The following RUVBL1 variants were observed in gnomAD, a reference collection of about 807,000 sequenced individuals.
RUVBL1 encodes the protein RuvB like AAA ATPase 1, also known as ruvB-like 1.
Under a neutral mutation model 52.4 loss-of-function variants are expected in RUVBL1, and 4 were observed. The ratio of observed to expected loss-of-function variants is 0.08; its 90% CI spans 0.04 to 0.17. The LOEUF is 0.17. RUVBL1 is among the 10% of genes least tolerant of loss of function. RUVBL1 has a pLI of 1.00. For synonymous variants in RUVBL1, 217 were observed against 214.4 expected (o/e 1.01, Z -0.10); for missense variants, 298 against 572.8 (o/e 0.52, Z 4.90).
chr3:128,065,887 G>A (rs745381450), intron 9 of RUVBL1, among the ~76,000 whole-genome samples: 1 of 151,844 alleles, frequency 6.6e-6, no homozygotes, highest in Non-Finnish European at 1.5e-5. Context: ...GATTACAGGT[G>A]CCTGTCACCA....
chr3:128,106,467 C>CT (rs1472765314), intron 3 of RUVBL1, among the ~76,000 whole-genome samples: 5 of 151,958 alleles, frequency 3.3e-5, no homozygotes, highest in African/African-American at 1.2e-4. Context: ...ATCCCCCCCC[C>CT]CTTCACACAT....
At position 128,153,001 on chromosome 3, in the gene RUVBL1, CG is replaced by C. The variant is rs1331213883; in HGVS notation, c.-40+201del. Among the ~76,000 whole-genome samples, 66 of 48,136 alleles carry C rather than the reference CG, an allele frequency of 1.4e-3. 1 individual carries two copies. The highest frequency in any genetic ancestry group is 4.8e-3 in the African/African-American group (59 of 12,186). The allele number at this position is 48,136 out of a possible 152,430, so 31.6% of individuals were successfully genotyped here. On this transcript the variant is annotated intron_variant, in intron 1 of 9. Transcript: ENST00000464873. ...TTCCCCCCGCCCACCCCGCCCCCCC[CG>C]CCCCCCTTCGCCCCCCCATGTTCCG... is the stretch of plus-strand genomic sequence containing the variant.
At chr3:128,124,633 C>G (rs1269942597), upstream of RUVBL1, among the ~76,000 whole-genome samples, 1 of 152,184 alleles carries the variant, frequency 6.6e-6, no homozygotes, top group African/African-American at 2.4e-5. Flanking sequence ...TCAACAAACA[C>G]GAGCCAGACA....
intron 9 of RUVBL1, among the ~76,000 whole-genome samples, chr3:128,072,451 G>GGT (rs1486731860): frequency 2.0e-5 from 3 of 152,234 alleles, no homozygotes; most frequent in Non-Finnish European, 4.4e-5. Context: ...ATTTCCAAGG[G>GGT]GAGTTGGGTC....
chr3:128,076,697 C>G (rs1942335834), downstream of RUVBL1, among the ~76,000 whole-genome samples: 1 of 152,092 alleles, frequency 6.6e-6, no homozygotes, highest in Admixed American at 6.5e-5. The surrounding 1 kb of genome is among the most constrained non-coding windows in gnomAD (Gnocchi z 6.8). Flanking sequence ...GGGACCTCCA[C>G]CCACTACATA....
intron 1 of RUVBL1, among the ~76,000 whole-genome samples, chr3:128,131,523 A>C (rs536484447): frequency 6.9e-6 from 1 of 145,688 alleles, no homozygotes; most frequent in Non-Finnish European, 1.5e-5. Context: ...AAACAAACCA[A>C]CAACAACAAC....
chr3:128,074,930 GGTT>G (rs1316914479), intron 9 of RUVBL1: 2 of 151,654 alleles, frequency 1.3e-5, no homozygotes, highest in Admixed American at 6.6e-5. Flanking sequence ...TATTTACAGA[GGTT>G]GTTGTATCTG....
intron 1 of RUVBL1, among the ~76,000 whole-genome samples, chr3:128,150,874 ATATT>A (rs1248440141): frequency 3.0e-5 from 2 of 66,962 alleles, no homozygotes; most frequent in African/African-American, 7.6e-5. Context: ...TTATATATAT[ATATT>A]CTATATATAT....
chr3:128,151,036 A>G (rs1944199274), intron 1 of RUVBL1, among the ~76,000 whole-genome samples: 1 of 99,438 alleles, frequency 1.0e-5, no homozygotes, highest in African/African-American at 4.1e-5. Flanking sequence ...TATATATTCT[A>G]TATTCTATAT....
chr3:128,148,310 A>G (rs1944134173), intron 1 of RUVBL1, among the ~76,000 whole-genome samples: 1 of 152,186 alleles, frequency 6.6e-6, no homozygotes, highest in Non-Finnish European at 1.5e-5. Context: ...AGGGGATTGG[A>G]TTCTAAGGGT....
downstream of RUVBL1, among the ~76,000 whole-genome samples, chr3:128,079,991 A>G (rs1204560308): frequency 6.6e-6 from 1 of 152,226 alleles, no homozygotes; most frequent in Non-Finnish European, 1.5e-5. Flanking sequence ...CACCTCAGGC[A>G]CCACGGAGCC....
At chr3:128,112,825 G>A in intron 3 of RUVBL1, 63 bp downstream of exon 3, 1 of 1,569,186 alleles carries the variant, frequency 6.4e-7, no homozygotes, top group Admixed American at 1.8e-5. Flanking sequence ...ACCACAAAGA[G>A]GCTTCGGTGC....
intron 3 of RUVBL1, 37 bp from the exon 4 acceptor site, chr3:128,104,961 G>C (rs759492659): frequency 1.3e-6 from 2 of 1,577,044 alleles, no homozygotes; most frequent in Non-Finnish European, 1.7e-6. Flanking sequence ...GTGAGAAGCA[G>C]AATCTTTTCT....
chr3:128,132,660 T>A (rs1386535406), intron 1 of RUVBL1, among the ~76,000 whole-genome samples: 2 of 152,048 alleles, frequency 1.3e-5, no homozygotes, highest in East Asian at 3.9e-4. Flanking sequence ...GAATGCAGCG[T>A]CTTGAAGGAG....
exon 10 of RUVBL1, chr3:128,065,052 A>G: frequency 6.2e-7 from 1 of 1,613,938 alleles, no homozygotes; most frequent in Non-Finnish European, 8.5e-7. Context: ...GTCCAGATCC[A>G]ACCCCAGGGA....
At chr3:128,124,904 AGGAAG>A (rs1444920200), upstream of RUVBL1, among the ~76,000 whole-genome samples, 5 of 151,070 alleles carry the variant, frequency 3.3e-5, no homozygotes, top group African/African-American at 1.2e-4. Context: ...TAACATCCAG[AGGAAG>A]GGAAGGACTT....
intron 7 of RUVBL1, 86 bp downstream of exon 7, chr3:128,098,796 A>C: frequency 1.8e-6 from 2 of 1,105,526 alleles, no homozygotes; most frequent in East Asian, 2.4e-5. Flanking sequence ...CCTCAGGGCG[A>C]CTGTGCTCAC....
intron 1 of RUVBL1, among the ~76,000 whole-genome samples, chr3:128,149,599 C>T (rs1303266116): frequency 6.6e-6 from 1 of 152,200 alleles, no homozygotes; most frequent in African/African-American, 2.4e-5. Context: ...GGTACTAGAA[C>T]ATGCCTTTTC....
At chr3:128,124,720 G>A (rs1224876014), upstream of RUVBL1, among the ~76,000 whole-genome samples, 3 of 152,206 alleles carry the variant, frequency 2.0e-5, no homozygotes, top group Non-Finnish European at 4.4e-5. Flanking sequence ...AACGTGAGAT[G>A]TGCTGAGACA....
Sources: gnomAD v4.1 joint callset for allele counts (sites outside exome capture counted in the v4.1 genomes callset) on GRCh38, gnomAD v4.1.1 for gene constraint, Gnocchi (gnomAD v3.1) non-coding constraint, MANE v1.5 for transcripts, NCBI Gene and HGNC (gene_info 2026-07-23, HGNC 2026-07-21) for gene names.